DNAH11: variants seen among roughly 807,000 people sequenced by gnomAD.
The protein encoded by DNAH11 is axonemal beta dynein heavy chain 11.
A neutral mutation model predicts 526.0 loss-of-function variants in DNAH11; 442 were observed. That is an observed-to-expected ratio of 0.84 (90% CI 0.78 to 0.91). DNAH11 has a LOEUF of 0.91. DNAH11 is among the 40% of genes least tolerant of loss of function. The probability of loss-of-function intolerance (pLI) is 0.00; values close to 1 mark genes in which losing one functional copy is unlikely to be tolerated. For synonymous variants in DNAH11, 2,461 were observed against 1,935.9 expected (o/e 1.27, Z -7.12); for missense variants, 6,989 against 5,448.7 (o/e 1.28, Z -8.90).
rs771739801 is a variant in DNAH11, at chr7:21,735,684, C to G, written c.7485C>G (p.Phe2495Leu). The G allele has an allele frequency of 2.5e-6, 4 of 1,611,460 alleles. No homozygotes were observed. Among genetic ancestry groups the G allele is most frequent in the Non-Finnish European group, 2.5e-6 (3 of 1,178,632 alleles). The change falls in exon 46 of 82, where the codon TTC becomes TTG. Residue 2495 changes from phenylalanine to leucine, a missense_variant. Phe to Leu is a conservative substitution (Grantham distance 22). Coordinates refer to ENST00000409508, the MANE Select transcript of DNAH11 (RefSeq NM_001277115.2). The part of the protein sequence containing the change: ...HTTETARLRY[F>L]MELLLEKGKP... The stretch of plus-strand genomic sequence containing the variant: ...CAGAGACAGCTCGTCTTAGATATTT[C>G]ATGGAGTTGTTGCTTGAGAAAGGAA...
At chr7:21,664,570 C>T (rs911191236) in intron 30 of DNAH11, among the ~76,000 whole-genome samples, 6 of 152,052 alleles carry the variant, frequency 3.9e-5, no homozygotes, top group Middle Eastern at 3.4e-3. Context: ...GCAAACCTCC[C>T]GCCTCATGTT....
Position 21,601,152 on chromosome 7 carries a change from A to T in DNAH11, c.3398A>T (p.Glu1133Val). ...IIKKWSWMFQ[E>V]HLLRFVIDSL... ...AAGAAATGGAGCTGGATGTTTCAGG[A>T]GCATCTTTTGAGATTTGTCATTGAC... Residue 1133 changes from glutamate to valine, a missense_variant, in exon 17 of 82, where the codon GAG becomes GTG. By Grantham distance (121) the Glu-to-Val change is moderately radical (BLOSUM62 -2). Transcript: ENST00000409508. The T allele has an allele frequency of 6.2e-7, 1 of 1,603,622 alleles. No homozygotes were observed. The highest frequency in any genetic ancestry group is 1.1e-5 in the South Asian group (1 of 87,464).
At chr7:21,726,086 C>T (rs1055026144) in intron 45 of DNAH11, 102 bp downstream of exon 45, 182 of 1,170,670 alleles carry the variant, frequency 1.6e-4, no homozygotes, top group Non-Finnish European at 2.0e-4. Context: ...TTAATTGGCT[C>T]ATGATTCCAC....
chr7:21,886,650 G>A (rs1255121560), intron 76 of DNAH11, among the ~76,000 whole-genome samples: 1 of 40,294 alleles, frequency 2.5e-5, no homozygotes. Flanking sequence ...GAGGGCAAGG[G>A]GCCCGCGAGG....
Position 21,735,560 on chromosome 7 carries a change from A to G in DNAH11, c.7441-80A>G, listed in dbSNP as rs1009904047. On this transcript the variant is annotated intron_variant, in intron 45 of 81. Transcript: ENST00000409508. ...ATAAAGTGACTGTGTTGAGTTTGAT[A>G]TAAAATTTTGGAATGCCTCTCTCTC... The G allele has an allele frequency of 4.1e-6, 5 of 1,223,100 alleles. No homozygotes were observed. The African/African-American group carries it at 4.5e-5, about 11-fold the overall frequency. 75.8% of individuals were successfully genotyped at this position (1,223,100 alleles called of 1,614,324 possible).
chr7:21,715,629 G>A (rs557274071), intron 42 of DNAH11, among the ~76,000 whole-genome samples: 1 of 152,240 alleles, frequency 6.6e-6, no homozygotes, highest in East Asian at 1.9e-4. Flanking sequence ...ATATGAAGCA[G>A]TGTTGTAAGA....
intron 43 of DNAH11, among the ~76,000 whole-genome samples, chr7:21,719,022 A>G (rs904081406): frequency 7.2e-5 from 11 of 152,242 alleles, no homozygotes; most frequent in African/African-American, 1.9e-4. Flanking sequence ...AAAAAGCATT[A>G]TCGTGTTCTT....
rs763383078 is a variant in DNAH11, at chr7:21,543,339, G to T, written c.94G>T (p.Ala32Ser). The T allele has an allele frequency of 1.9e-6, 3 of 1,551,014 alleles. No individual in the cohort carries two copies. In the South Asian group the frequency reaches 3.6e-5, roughly 18 times the overall value. The change falls in exon 1 of 82, where the codon GCT becomes TCT. Residue 32 changes from alanine to serine, a missense_variant. Coordinates refer to ENST00000409508, the MANE Select transcript of DNAH11 (RefSeq NM_001277115.2). The part of the protein sequence containing the change: ...TSGAGLEAVG[A>S]VELEEEEENE... The stretch of plus-strand genomic sequence containing the variant: ...GGGGGCCGGCCTGGAGGCAGTGGGC[G>T]CTGTGGAGCTCGAGGAGGAGGAGGA...
At chr7:21,625,169 C>G (rs944545890) in intron 25 of DNAH11, among the ~76,000 whole-genome samples, 4 of 151,800 alleles carry the variant, frequency 2.6e-5, no homozygotes, top group Non-Finnish European at 5.9e-5. Flanking sequence ...TGTCCTAGGC[C>G]TTTCTTTTGA....
intron 66 of DNAH11, chr7:21,851,430 A>G (rs112582072): frequency 2.5e-6 from 1 of 392,952 alleles, no homozygotes; most frequent in African/African-American, 2.1e-5. Context: ...TTGAGAGCAG[A>G]TTAATACATC....
chr7:21,580,894 T>C (rs1784283437), intron 8 of DNAH11, among the ~76,000 whole-genome samples: 1 of 152,250 alleles, frequency 6.6e-6, no homozygotes, highest in African/African-American at 2.4e-5. Context: ...CCAGGTTGCC[T>C]GGCTTTAAAT....
chr7:21,697,754 G>GC (rs1783912230), intron 35 of DNAH11, among the ~76,000 whole-genome samples: 1 of 152,122 alleles, frequency 6.6e-6, no homozygotes, highest in Non-Finnish European at 1.5e-5. Flanking sequence ...GTAAAGCCTC[G>GC]CCCCTTGCTC....
At chr7:21,786,934 C>T (rs1788220138) in intron 59 of DNAH11, among the ~76,000 whole-genome samples, 167 bp downstream of exon 59, 1 of 152,100 alleles carries the variant, frequency 6.6e-6, no homozygotes, top group African/African-American at 2.4e-5. Context: ...TTTTGTTTGC[C>T]AAGTTGGAAG....
intron 34 of DNAH11, among the ~76,000 whole-genome samples, chr7:21,688,674 G>C (rs748980581): frequency 6.6e-6 from 1 of 152,190 alleles, no homozygotes; most frequent in Non-Finnish European, 1.5e-5. Flanking sequence ...TTCTTTGCTA[G>C]TTGTCTCATC....
intron 8 of DNAH11, 101 bp from the exon 9 acceptor site, chr7:21,581,804 A>C: frequency 1.4e-6 from 1 of 706,502 alleles, no homozygotes; most frequent in Non-Finnish European, 2.5e-6. Flanking sequence ...AGAGACAGAG[A>C]GCGAGCGAGA....
intron 25 of DNAH11, among the ~76,000 whole-genome samples, chr7:21,622,633 G>A (rs1019015613): frequency 2.0e-5 from 3 of 152,050 alleles, no homozygotes; most frequent in Non-Finnish European, 2.9e-5. Flanking sequence ...TAGATCAATG[G>A]AACAGAACAG....
At chr7:21,821,735 T>C (rs1790059339) in intron 65 of DNAH11, among the ~76,000 whole-genome samples, 1 of 151,782 alleles carries the variant, frequency 6.6e-6, no homozygotes, top group Non-Finnish European at 1.5e-5. Context: ...CTTCTAGCTA[T>C]ATTAAAATAT....
intron 25 of DNAH11, among the ~76,000 whole-genome samples, chr7:21,624,727 T>C (rs1415032768): frequency 6.6e-6 from 1 of 152,202 alleles, no homozygotes; most frequent in Non-Finnish European, 1.5e-5. Flanking sequence ...ATTCTTTATA[T>C]GCCAATTTTG....
chr7:21,763,286 A>C (rs2390555), intron 54 of DNAH11, among the ~76,000 whole-genome samples: 1 of 146,694 alleles, frequency 6.8e-6, no homozygotes, highest in African/African-American at 2.5e-5. Context: ...AGGTTGCAGC[A>C]AGCCGAGATT....
Sources: gnomAD v4.1 joint callset for allele counts (sites outside exome capture counted in the v4.1 genomes callset) on GRCh38, gnomAD v4.1.1 for gene constraint, MANE v1.5 for transcripts, NCBI Gene and HGNC (gene_info 2026-07-23, HGNC 2026-07-21) for gene names.